Variants in ASMTL observed in about 807,000 individuals in gnomAD.
ASMTL encodes probable bifunctional dTTP/UTP pyrophosphatase/methyltransferase protein.
Under a neutral mutation model 60.3 loss-of-function variants are expected in ASMTL, and 57 were observed. The ratio of observed to expected loss-of-function variants is 0.95; its 90% CI spans 0.76 to 1.18. ASMTL has a LOEUF of 1.18. Among genes scored for constraint, ASMTL ranks in the 50% most tolerant of loss-of-function variants. The pLI is 0.00. For missense variants in ASMTL, 981 were observed against 852.6 expected (o/e 1.15, Z -1.88); for synonymous variants, 419 against 373.0 (o/e 1.12, Z -1.42).
intron 1 of ASMTL, among the ~76,000 whole-genome samples, chrX:1,451,064 C>A (rs150100468): frequency 2.6e-5 from 3 of 114,416 alleles, no homozygotes; most frequent in African/African-American, 1.9e-4. Flanking sequence ...TCCCCTCCCC[C>A]ATACCTAGGG....
chrX:1,432,258 C>A lies in ASMTL; in HGVS notation c.509+11G>T. The A allele has an allele frequency of 6.2e-7, 1 of 1,603,298 alleles. No individual in the cohort carries two copies. ...CGTGTCCCCCGTCCCCCCACCGCCC[C>A]CGAGACTCACATGGGCTCCCCGCTG... On this transcript the variant is annotated intron_variant, in intron 6 of 12. Coordinates refer to ENST00000381317, the MANE Select transcript of ASMTL (RefSeq NM_004192.4).
chrX:1,452,673 T>G, intron 1 of ASMTL, 75 bp downstream of exon 1: 1 of 1,260,706 alleles, frequency 7.9e-7, no homozygotes, highest in Non-Finnish European at 1.1e-6. Flanking sequence ...TCCCTAGAGT[T>G]CCTGAGTCGC....
At chrX:1,448,190 G>A (rs1419737944) in intron 1 of ASMTL, among the ~76,000 whole-genome samples, 1 of 147,652 alleles carries the variant, frequency 6.8e-6, no homozygotes, top group African/African-American at 2.5e-5. Context: ...CCGCCATCTT[G>A]GATAAGCACC....
At chrX:1,431,999 C>T in intron 6 of ASMTL, 1 of 541,408 alleles carries the variant, frequency 1.8e-6, no homozygotes, top group Non-Finnish European at 3.3e-6. Flanking sequence ...ACTCCTCTAC[C>T]CCTGCCCAGC....
Position 1,405,545 on chromosome X carries a change from G to A in ASMTL, c.1646-2056C>T, listed in dbSNP as rs755337140. Reference sequence around the variant, plus strand: ...ATAGATGATGGGTAGGTAGGTAGACGGATGGATGGATAGATGGATGCATGC... The same window carrying A: ...ATAGATGATGGGTAGGTAGGTAGACAGATGGATGGATAGATGGATGCATGC... On this transcript the variant is annotated intron_variant, in intron 12 of 12. Transcript: ENST00000381317. Among the ~76,000 whole-genome samples, 27 of 121,796 alleles carry A rather than the reference G, an allele frequency of 2.2e-4. No homozygotes were observed. In the South Asian group the frequency reaches 5.2e-3, roughly 24 times the overall value. 79.9% of individuals were successfully genotyped at this position (121,796 alleles called of 152,430 possible).
chrX:1,453,432 T>TCGCCCCGCCCCTCCC (rs2091445832), upstream of ASMTL, among the ~76,000 whole-genome samples: 1 of 145,702 alleles, frequency 6.9e-6, no homozygotes, highest in Non-Finnish European at 1.5e-5. Context: ...CCCCCGGCGC[T>TCGCCCCGCCCCTCCC]CGCCCCGCCC....
intron 6 of ASMTL, among the ~76,000 whole-genome samples, chrX:1,431,646 A>T (rs1470055771): frequency 6.8e-6 from 1 of 146,824 alleles, no homozygotes; most frequent in Middle Eastern, 3.3e-3. Context: ...TATATTATAT[A>T]ATTTGTATAA....
At chrX:1,431,165 TTA>T (rs2090769047) in intron 6 of ASMTL, among the ~76,000 whole-genome samples, 1 of 123,296 alleles carries the variant, frequency 8.1e-6, no homozygotes, top group African/African-American at 3.4e-5. Flanking sequence ...TAATTTATAT[TTA>T]TATAATTGTT....
chrX:1,410,327 G>A (rs185336679), intron 12 of ASMTL, among the ~76,000 whole-genome samples: 1 of 150,772 alleles, frequency 6.6e-6, no homozygotes, highest in African/African-American at 2.5e-5. Context: ...GATCGCTTGA[G>A]CCCAGGAGGT....
At chrX:1,420,240 C>G (rs1432189604) in intron 9 of ASMTL, among the ~76,000 whole-genome samples, 2 of 151,808 alleles carry the variant, frequency 1.3e-5, no homozygotes, top group Non-Finnish European at 1.5e-5. Flanking sequence ...CTATCTGTCT[C>G]CCATCTCCGT....
chrX:1,436,266 G>A (rs188687086), intron 3 of ASMTL, among the ~76,000 whole-genome samples: 27,194 of 151,780 alleles, frequency 0.18, 3,072 homozygotes, highest in Middle Eastern at 0.34. Context: ...CTCCGCCTCC[G>A]GGGTTCAAGT....
chrX:1,452,743 C>A lies in ASMTL; in HGVS notation c.93+5G>T. 6.3e-7 allele frequency: 1 copy of A among 1,586,658 alleles called. No individual in the cohort carries two copies. Reference sequence around the variant, plus strand: ...TCCCCTGCCCCGCCCAGGCCCAGGCCGTACCGCGTTGCTGAGGATCTCCTG... The same window carrying A: ...TCCCCTGCCCCGCCCAGGCCCAGGCAGTACCGCGTTGCTGAGGATCTCCTG... On this transcript the variant is annotated splice_donor_5th_base_variant and intron_variant, in intron 1 of 12. Coordinates refer to ENST00000381317, the MANE Select transcript of ASMTL (RefSeq NM_004192.4).
chrX:1,439,129 G>A lies in ASMTL; in HGVS notation c.241C>T (p.Pro81Ser), dbSNP rs779515758. ...GTGTCCGCTCCAATGACCACGTCGG[G>A]GGCCCGCAGGTCTTTCTGTAAGAAA... Reference protein sequence around the residue: ...NRLYQKDLRAPDVVIGADTIV... With the variant: ...NRLYQKDLRASDVVIGADTIV... Residue 81 changes from proline (P) to serine (S), a missense_variant, in exon 3 of 13, where the codon CCC becomes TCC. By Grantham distance (74) the Pro-to-Ser change is moderately conservative. Coordinates refer to ENST00000381317, the MANE Select transcript of ASMTL (RefSeq NM_004192.4). 8 of 1,614,024 alleles carry A rather than the reference G, an allele frequency of 5.0e-6. No homozygotes were observed. Among genetic ancestry groups the A allele is most frequent in the Non-Finnish European group, 6.8e-6 (8 of 1,179,874 alleles).
chrX:1,444,703 G>A (rs1228455487), intron 1 of ASMTL, among the ~76,000 whole-genome samples: 1 of 152,046 alleles, frequency 6.6e-6, no homozygotes, highest in Admixed American at 6.6e-5. Flanking sequence ...CTCTTTGAGT[G>A]TTGGGAGTGG....
At chrX:1,415,022 G>A (rs1336669039) in intron 11 of ASMTL, among the ~76,000 whole-genome samples, 1 of 151,008 alleles carries the variant, frequency 6.6e-6, no homozygotes, top group Non-Finnish European at 1.5e-5. Context: ...CTCACGGCAA[G>A]CTCCGCCTCC....
At chrX:1,415,383 C>G (rs1298403138) in intron 11 of ASMTL, among the ~76,000 whole-genome samples, 1 of 151,890 alleles carries the variant, frequency 6.6e-6, no homozygotes, top group Non-Finnish European at 1.5e-5. Flanking sequence ...CATCTCCACT[C>G]CCCTCACGTC....
intron 1 of ASMTL, among the ~76,000 whole-genome samples, chrX:1,442,630 T>C (rs1233001634): frequency 6.6e-6 from 1 of 151,670 alleles, no homozygotes; most frequent in Non-Finnish European, 1.5e-5. Flanking sequence ...AGCAGGGAGG[T>C]ATTGACTCGG....
At chrX:1,427,651 A>G in intron 7 of ASMTL, 83 bp downstream of exon 7, 1 of 1,428,402 alleles carries the variant, frequency 7.0e-7, no homozygotes, top group South Asian at 1.3e-5. Flanking sequence ...CCTCCAGGAC[A>G]GTGAGAAGTA....
chrX:1,427,126 G>A (rs1359230825), intron 7 of ASMTL, among the ~76,000 whole-genome samples: 1 of 152,160 alleles, frequency 6.6e-6, no homozygotes, highest in African/African-American at 2.4e-5. Context: ...CTAAGAGACA[G>A]AAGAGACACA....
Sources: gnomAD v4.1 joint callset for allele counts (sites outside exome capture counted in the v4.1 genomes callset) on GRCh38, gnomAD v4.1.1 for gene constraint, MANE v1.5 for transcripts, NCBI Gene and HGNC (gene_info 2026-07-23, HGNC 2026-07-21) for gene names.